The following TRIO variants were observed in gnomAD, a reference collection of about 807,000 sequenced individuals.
TRIO encodes the protein trio Rho guanine nucleotide exchange factor, also known as triple functional domain protein.
Under a neutral mutation model 351.9 loss-of-function variants are expected in TRIO, and 58 were observed. The ratio of observed to expected loss-of-function variants is 0.16; its 90% CI spans 0.13 to 0.21. The LOEUF is 0.21. Ranked by LOEUF, TRIO falls within the 10% of genes least tolerant of loss-of-function variation. The probability of loss-of-function intolerance (pLI) is 1.00; values close to 1 mark genes in which losing one functional copy is unlikely to be tolerated. For missense variants in TRIO, 3,201 were observed against 4,027.8 expected (o/e 0.79, Z 5.56); for synonymous variants, 1,758 against 1,595.7 (o/e 1.10, Z -2.42).
chr5:14,165,606 C>T (rs552714080), intron 1 of TRIO, among the ~76,000 whole-genome samples: 91 of 152,214 alleles, frequency 6.0e-4, no homozygotes, highest in African/African-American at 2.1e-3. Context: ...GTCTGTCTTT[C>T]TGAGGCTCTG....
intron 31 of TRIO, among the ~76,000 whole-genome samples, chr5:14,401,590 G>A (rs1034545684): frequency 6.6e-6 from 1 of 152,172 alleles, no homozygotes; most frequent in Non-Finnish European, 1.5e-5. Flanking sequence ...ATACTGTTAT[G>A]ATTTAAAATT....
At chr5:14,470,571 C>T (rs926396588) in intron 37 of TRIO, among the ~76,000 whole-genome samples, 4 of 152,162 alleles carry the variant, frequency 2.6e-5, no homozygotes, top group African/African-American at 9.7e-5. Context: ...AGAGAAGTCA[C>T]CAATATTCAA....
In TRIO at chr5:14,289,388, AAAAC is replaced by A. The variant is rs1036658882; in HGVS notation, c.541-1316_541-1313del. Reference sequence around the variant, plus strand: ...CAACAAGAGCAAAACCCTGTCTCAAAAAACAAACAAACAAAAATCACCAGGTGTG... The same window carrying A: ...CAACAAGAGCAAAACCCTGTCTCAAAAAACAAACAAAAATCACCAGGTGTG... On this transcript the variant is annotated intron_variant, in intron 4 of 56. Transcript: ENST00000344204. Among the ~76,000 whole-genome samples, 33 of 152,210 alleles carry A rather than the reference AAAAC, an allele frequency of 2.2e-4. No homozygotes were observed. In the East Asian group the frequency reaches 4.5e-3, roughly 21 times the overall value.
chr5:14,243,429 G>C (rs1403473899), intron 1 of TRIO, among the ~76,000 whole-genome samples: 1 of 151,876 alleles, frequency 6.6e-6, no homozygotes, highest in Non-Finnish European at 1.5e-5. Context: ...GTCCTTGGCT[G>C]ATCTTTATGT....
rs935329836 is a variant in TRIO, at chr5:14,405,417, A to C, written c.4717-431A>C. ...GTGGCAGCTGCGCCGCTGTTCCCTG[A>C]GTCCAGCAAAGGAGGCCGCAAGGCT... On this transcript the variant is annotated intron_variant, in intron 31 of 56. Coordinates refer to ENST00000344204, the MANE Select transcript of TRIO (RefSeq NM_007118.4). Among the ~76,000 whole-genome samples, 16 of 152,344 alleles carry C rather than the reference A, an allele frequency of 1.1e-4. No homozygotes were observed. In the South Asian group the frequency reaches 1.5e-3, roughly 14 times the overall value.
At chr5:14,199,570 G>GT (rs763663181) in intron 1 of TRIO, among the ~76,000 whole-genome samples, 5 of 152,220 alleles carry the variant, frequency 3.3e-5, no homozygotes, top group Non-Finnish European at 7.3e-5. Flanking sequence ...TCTGCTCCTG[G>GT]TATCAGTGGG....
chr5:14,188,986 A>G (rs559729999), intron 1 of TRIO, among the ~76,000 whole-genome samples: 5 of 152,228 alleles, frequency 3.3e-5, no homozygotes, highest in Admixed American at 1.3e-4. Flanking sequence ...ATGTTTTTCC[A>G]TGAGTAATTC....
At chr5:14,459,689 G>A (rs1753624499) in intron 34 of TRIO, among the ~76,000 whole-genome samples, 1 of 152,196 alleles carries the variant, frequency 6.6e-6, no homozygotes, top group Non-Finnish European at 1.5e-5. Flanking sequence ...AGTGAGCTGA[G>A]ATTGTGCCAC....
At chr5:14,213,571 A>G (rs1457034301) in intron 1 of TRIO, among the ~76,000 whole-genome samples, 4 of 152,128 alleles carry the variant, frequency 2.6e-5, no homozygotes, top group African/African-American at 4.8e-5. Context: ...GTATTTTCAG[A>G]TATGAGTGGG....
chr5:14,422,630 G>A (rs1750270961), intron 34 of TRIO, among the ~76,000 whole-genome samples: 1 of 152,236 alleles, frequency 6.6e-6, no homozygotes, highest in Non-Finnish European at 1.5e-5. Flanking sequence ...AGACTTGGAA[G>A]TCTGTCGGAC....
intron 19 of TRIO, 63 bp from the exon 20 acceptor site, chr5:14,377,949 A>G: frequency 8.0e-7 from 1 of 1,255,860 alleles, no homozygotes; most frequent in Non-Finnish European, 1.1e-6. Flanking sequence ...AAATGAATGG[A>G]ATTTCGCGGT....
At chr5:14,180,496 A>G (rs975927503) in intron 1 of TRIO, among the ~76,000 whole-genome samples, 1 of 152,218 alleles carries the variant, frequency 6.6e-6, no homozygotes, top group Non-Finnish European at 1.5e-5. Flanking sequence ...TTTAACTTAA[A>G]TAAAAAAGGC....
At chr5:14,221,347 T>A (rs1430912664) in intron 1 of TRIO, among the ~76,000 whole-genome samples, 1 of 152,248 alleles carries the variant, frequency 6.6e-6, no homozygotes, top group Non-Finnish European at 1.5e-5. Flanking sequence ...ACATCCGTAC[T>A]GCAGCCCATG....
At chr5:14,323,487 C>T (rs1039765698) in intron 9 of TRIO, among the ~76,000 whole-genome samples, 16 of 150,772 alleles carry the variant, frequency 1.1e-4, no homozygotes, top group African/African-American at 3.2e-4. Context: ...TGCAATTGCC[C>T]GTGACCATGA....
At chr5:14,261,614 G>A (rs1278017441) in intron 1 of TRIO, among the ~76,000 whole-genome samples, 2 of 152,180 alleles carry the variant, frequency 1.3e-5, no homozygotes, top group African/African-American at 4.8e-5. Flanking sequence ...TGGGGGAAAA[G>A]CCCACTGACT....
At chr5:14,468,069 A>G (rs1436310146) in intron 37 of TRIO, among the ~76,000 whole-genome samples, 5 of 152,236 alleles carry the variant, frequency 3.3e-5, no homozygotes, top group Middle Eastern at 3.4e-3. Context: ...TCTGGCCACT[A>G]TTCTGCAGCT....
At chr5:14,380,589 T>C (rs1423708961) in intron 20 of TRIO, among the ~76,000 whole-genome samples, 1 of 151,790 alleles carries the variant, frequency 6.6e-6, no homozygotes, top group Non-Finnish European at 1.5e-5. Context: ...TTTAGGTTCA[T>C]GGTTACAAGA....
rs950436735 is a variant in TRIO, at chr5:14,508,379, G to C, written c.9251G>C (p.Ser3084Thr). The change falls in exon 57 of 57, where the codon AGC becomes ACC. Residue 3084 changes from serine to threonine, a missense_variant. By Grantham distance (58) the Ser-to-Thr change is moderately conservative. Coordinates refer to ENST00000344204, the MANE Select transcript of TRIO (RefSeq NM_007118.4). ...CAGAATGATGTTCGACCTATCCGTAGCATTAAAAACTTTCTGCAGAGCAGG... is the reference window on the plus strand; with the variant it reads ...CAGAATGATGTTCGACCTATCCGTACCATTAAAAACTTTCTGCAGAGCAGG... ...KHQNDVRPIR[S>T]IKNFLQSRLL... 1 of 1,613,598 alleles carries C rather than the reference G, an allele frequency of 6.2e-7. No homozygotes were observed. Among genetic ancestry groups the C allele is most frequent in the Non-Finnish European group, 8.5e-7 (1 of 1,179,766 alleles).
At chr5:14,271,280 CTG>C (rs1354811887) in intron 2 of TRIO, among the ~76,000 whole-genome samples, 3 of 152,204 alleles carry the variant, frequency 2.0e-5, no homozygotes, top group Admixed American at 6.5e-5. Context: ...TTCTCGTACT[CTG>C]TACCTGCCTC....
Sources: gnomAD v4.1 joint callset for allele counts (sites outside exome capture counted in the v4.1 genomes callset) on GRCh38, gnomAD v4.1.1 for gene constraint, MANE v1.5 for transcripts, NCBI Gene and HGNC (gene_info 2026-07-23, HGNC 2026-07-21) for gene names.